The following PCDH11Y variants were observed in gnomAD, a reference collection of about 807,000 sequenced individuals.
PCDH11Y encodes the protein protocadherin 11 Y-linked.
For synonymous variants in PCDH11Y, 9 were observed against 83.6 expected (o/e 0.11, Z 4.87); for missense variants, 12 against 224.8 (o/e 0.05, Z 6.05).
At chrY:5,554,569 C>T (rs2124694466) in intron 3 of PCDH11Y, among the ~76,000 whole-genome samples, 2 of 33,172 alleles carry the variant, frequency 6.0e-5, no homozygotes, top group Non-Finnish European at 1.5e-4. Context: ...TGGGCCAGGC[C>T]CAGGGTTCCC....
chrY:5,256,692 C>T, intron 2 of PCDH11Y, among the ~76,000 whole-genome samples: 1 of 33,244 alleles, frequency 3.0e-5, no homozygotes, highest in Non-Finnish European at 7.4e-5. Flanking sequence ...AATGTCTTTC[C>T]ATTTTTGTGT....
At chrY:5,085,236 A>C in intron 1 of PCDH11Y, among the ~76,000 whole-genome samples, 1 of 33,220 alleles carries the variant, frequency 3.0e-5, no homozygotes, top group East Asian at 7.9e-4. Flanking sequence ...GCAGTATTTT[A>C]AGCTGATAAT....
chrY:5,112,244 C>T, intron 2 of PCDH11Y, among the ~76,000 whole-genome samples: 1 of 32,124 alleles, frequency 3.1e-5, no homozygotes, highest in Non-Finnish European at 7.6e-5. Flanking sequence ...AATTATTTGT[C>T]TGTTTCCCAA....
chrY:5,439,966 C>T, intron 2 of PCDH11Y, among the ~76,000 whole-genome samples: 3 of 33,046 alleles, frequency 9.1e-5, no homozygotes, highest in African/African-American at 2.4e-4. Context: ...TTTCCTATAA[C>T]AACTAACCTG....
chrY:5,165,897 A>T, intron 2 of PCDH11Y, among the ~76,000 whole-genome samples: 1 of 32,913 alleles, frequency 3.0e-5, no homozygotes, highest in South Asian at 6.7e-4. Flanking sequence ...AGACATTAAA[A>T]GAAGAAAGAC....
intron 3 of PCDH11Y, among the ~76,000 whole-genome samples, chrY:5,566,054 A>G: frequency 8.2e-5 from 2 of 24,352 alleles, no homozygotes; most frequent in Non-Finnish European, 1.8e-4. Flanking sequence ...GCTCACTGCA[A>G]CCTCCACCTC....
intron 2 of PCDH11Y, among the ~76,000 whole-genome samples, chrY:5,187,746 CA>C (rs2052907765): frequency 3.0e-5 from 1 of 33,470 alleles, no homozygotes; most frequent in Admixed American, 2.7e-4. Context: ...TGGCAATTAA[CA>C]TTTGGCTCCC....
At chrY:5,641,754 C>T (rs2053523281) in intron 4 of PCDH11Y, among the ~76,000 whole-genome samples, 2 of 32,389 alleles carry the variant, frequency 6.2e-5, no homozygotes, top group African/African-American at 1.2e-4. Context: ...GTTAGAAAAA[C>T]GGCATGGATA....
chrY:5,095,502 A>G (rs2052748799), intron 1 of PCDH11Y, among the ~76,000 whole-genome samples: 3 of 32,859 alleles, frequency 9.1e-5, no homozygotes, highest in East Asian at 1.6e-3. Context: ...ATTAAGTGCC[A>G]TGGATTTTAT....
intron 1 of PCDH11Y, among the ~76,000 whole-genome samples, chrY:5,029,989 G>T (rs2052587084): frequency 3.3e-5 from 1 of 30,303 alleles, no homozygotes; most frequent in Non-Finnish European, 7.9e-5. Flanking sequence ...CTATCACTAA[G>T]GTTCTATATT....
At chrY:5,155,358 C>A (rs2052868472) in intron 2 of PCDH11Y, among the ~76,000 whole-genome samples, 22 of 32,387 alleles carry the variant, frequency 6.8e-4, no homozygotes, top group Non-Finnish European at 1.4e-3. Flanking sequence ...GCAGGATGTG[C>A]AGCTTTGTTA....
At chrY:5,642,287 C>T in intron 4 of PCDH11Y, among the ~76,000 whole-genome samples, 1 of 33,895 alleles carries the variant, frequency 3.0e-5, no homozygotes, top group African/African-American at 1.2e-4. Flanking sequence ...ATATGCACAT[C>T]TTTTAAAATG....
chrY:5,088,028 G>A, intron 1 of PCDH11Y, among the ~76,000 whole-genome samples: 1 of 31,590 alleles, frequency 3.2e-5, no homozygotes, highest in Admixed American at 2.9e-4. Flanking sequence ...AAGTGGCTTC[G>A]GTGATTCAAC....
intron 4 of PCDH11Y, among the ~76,000 whole-genome samples, chrY:5,641,666 T>C: frequency 3.1e-5 from 1 of 32,183 alleles, no homozygotes; most frequent in Non-Finnish European, 7.6e-5. Context: ...CCATAACAGA[T>C]ATAATAATAA....
At chrY:5,344,679 T>A (rs1602908541) in intron 2 of PCDH11Y, among the ~76,000 whole-genome samples, 1 of 33,045 alleles carries the variant, frequency 3.0e-5, no homozygotes, top group Non-Finnish European at 7.5e-5. Context: ...TTTTATTTTT[T>A]TTTTTTGGAG....
chrY:5,435,009 A>T, intron 2 of PCDH11Y, among the ~76,000 whole-genome samples: 1 of 33,531 alleles, frequency 3.0e-5, no homozygotes. Flanking sequence ...ATGAATATTT[A>T]TGAAGATCCT....
chrY:5,486,704 T>C (rs1602932575), intron 2 of PCDH11Y, among the ~76,000 whole-genome samples: 7 of 7,432 alleles, frequency 9.4e-4, no homozygotes, highest in African/African-American at 1.6e-3. Flanking sequence ...TATATATATA[T>C]ACACATATAT....
At chrY:5,477,781 G>T (rs2053320934) in intron 2 of PCDH11Y, among the ~76,000 whole-genome samples, 1 of 32,968 alleles carries the variant, frequency 3.0e-5, no homozygotes, top group Non-Finnish European at 7.4e-5. Flanking sequence ...ATTTCTTCTA[G>T]ATTTTCTAGT....
intron 2 of PCDH11Y, among the ~76,000 whole-genome samples, chrY:5,227,781 TA>T: frequency 3.4e-5 from 1 of 29,288 alleles, no homozygotes; most frequent in Non-Finnish European, 8.3e-5. Context: ...TCTCACTTGG[TA>T]ATGATGAATG....
Sources: allele counts gnomAD v4.1 joint callset (sites outside exome capture counted in the v4.1 genomes callset), GRCh38; gene constraint gnomAD v4.1.1; transcripts MANE v1.5; gene names NCBI Gene and HGNC (gene_info 2026-07-23, HGNC 2026-07-21).